Variants in DLGAP2 observed in about 807,000 individuals in gnomAD.
The protein encoded by DLGAP2 is disks large-associated protein 2.
Under a neutral mutation model 100.3 loss-of-function variants are expected in DLGAP2, and 26 were observed. That is an observed-to-expected ratio of 0.26 (90% CI 0.19 to 0.36). The LOEUF is 0.36. DLGAP2 is among the 10% of genes least tolerant of loss of function. DLGAP2 has a pLI of 1.00. For missense variants in DLGAP2, 1,858 were observed against 1,453.2 expected (o/e 1.28, Z -4.53); for synonymous variants, 886 against 630.1 (o/e 1.41, Z -6.08).
intron 2 of DLGAP2, among the ~76,000 whole-genome samples, chr8:1,010,722 G>A (rs990764553): frequency 2.0e-5 from 3 of 152,220 alleles, no homozygotes; most frequent in Admixed American, 6.5e-5. Flanking sequence ...ATTTCCTGCC[G>A]TAATGCTTGA....
intron 3 of DLGAP2, among the ~76,000 whole-genome samples, chr8:1,298,702 A>C (rs1400458399): frequency 6.6e-6 from 1 of 152,230 alleles, no homozygotes; most frequent in African/African-American, 2.4e-5. Flanking sequence ...ACAAGCATGC[A>C]TGCATGCCAG....
Position 1,460,443 on chromosome 8 carries a change from A to T in DLGAP2, c.107-40923A>T, listed in dbSNP as rs370796371. On this transcript the variant is annotated intron_variant, in intron 3 of 14. Coordinates refer to ENST00000637795, the MANE Select transcript of DLGAP2 (RefSeq NM_001346810.2). ...GTGTCGTCCTCAACACAACCCCTTGAAGATTAACATGTCGCTTTACTGATG... is the reference window on the plus strand; with the variant it reads ...GTGTCGTCCTCAACACAACCCCTTGTAGATTAACATGTCGCTTTACTGATG... Among the ~76,000 whole-genome samples, 3 of 152,304 alleles carry T rather than the reference A, an allele frequency of 2.0e-5. No homozygotes were observed. In the South Asian group the frequency reaches 6.2e-4, roughly 32 times the overall value.
intron 2 of DLGAP2, among the ~76,000 whole-genome samples, chr8:1,131,751 C>T (rs1215716274): frequency 6.6e-6 from 1 of 152,050 alleles, no homozygotes; most frequent in Non-Finnish European, 1.5e-5. Context: ...GTGTTACAGA[C>T]ATTTCCTGTA....
At position 1,549,398 on chromosome 8, in the gene DLGAP2, C is replaced by T. The variant is rs763776302; in HGVS notation, c.945C>T (p.Leu315=). ...GCACCTATCGGACGCCCAGCGTGCTCAACCGGCACCACCTGGGCCCCGTGG... is the reference window on the plus strand; with the variant it reads ...GCACCTATCGGACGCCCAGCGTGCTTAACCGGCACCACCTGGGCCCCGTGG... The part of the protein sequence containing the change: ...SDSTYRTPSV[L]NRHHLGPVAH... The change falls in exon 5 of 15, where the codon CTC becomes CTT. Residue 315 remains leucine (L), a synonymous_variant. Coordinates refer to ENST00000637795, the MANE Select transcript of DLGAP2 (RefSeq NM_001346810.2). The T allele has an allele frequency of 3.7e-6, 6 of 1,613,480 alleles. No individual in the cohort carries two copies. The highest frequency in any genetic ancestry group is 4.2e-6 in the Non-Finnish European group (5 of 1,179,788).
At chr8:744,956 G>A (rs138260793) in intron 1 of DLGAP2, among the ~76,000 whole-genome samples, 3 of 152,346 alleles carry the variant, frequency 2.0e-5, no homozygotes, top group Non-Finnish European at 4.4e-5. Flanking sequence ...TGTCCTCAGT[G>A]CAGCAGAGAT....
rs549504942 is a variant in DLGAP2, at chr8:1,668,546, G to A, written c.2028G>A (p.Ala676=). ...SLDSNKAMNL[A]LETAAAQRHL... ...ACAGCAACAAGGCCATGAACCTCGC[G>A]CTGGAAACGGCCGCTGCCCAGCGCC... The change falls in exon 9 of 15, where the codon GCG becomes GCA. Residue 676 remains alanine, a synonymous_variant. Transcript: ENST00000637795. The A allele has an allele frequency of 7.7e-5, 122 of 1,590,668 alleles. No homozygotes were observed. Among genetic ancestry groups the A allele is most frequent in the Non-Finnish European group, 9.5e-5 (111 of 1,169,886 alleles).
At chr8:1,130,089 CAGACACTTCACGCGAGTTAAGGGATCG>C (rs1796256537) in intron 2 of DLGAP2, among the ~76,000 whole-genome samples, 1 of 1,888 alleles carries the variant, frequency 5.3e-4, no homozygotes, top group African/African-American at 2.8e-3. Context: ...GGGATCGTGT[CAGACACTTCACGCGAGTTAAGGGATCG>C]TGTCAGACAC....
Position 1,548,757 on chromosome 8 carries a change from G to A in DLGAP2, c.304G>A (p.Ala102Thr). The change falls in exon 5 of 15, where the codon GCG (alanine) becomes ACG (threonine). Residue 102 changes from alanine to threonine, a missense_variant. Physicochemically the swap from Ala to Thr is moderately conservative, Grantham distance 58 (BLOSUM62 0). Transcript: ENST00000637795. ...GTGTTCCGGGCACACGTGTGGTCTG[G>A]CGCCCCCGGAGGACTGCGAGCACCT... Reference protein sequence around the residue: ...PLCSGHTCGLAPPEDCEHLHH... With the variant: ...PLCSGHTCGLTPPEDCEHLHH... 1 of 1,602,412 alleles carries A rather than the reference G, an allele frequency of 6.2e-7. No homozygotes were observed. The highest frequency in any genetic ancestry group is 8.5e-7 in the Non-Finnish European group (1 of 1,176,454).
chr8:1,614,068 G>A (rs904189298), intron 6 of DLGAP2, among the ~76,000 whole-genome samples: 19 of 152,134 alleles, frequency 1.2e-4, no homozygotes, highest in African/African-American at 3.1e-4. Flanking sequence ...AGAGCCAGGT[G>A]GGGGAGGCTG....
intron 3 of DLGAP2, among the ~76,000 whole-genome samples, chr8:1,491,674 G>T (rs543123977): frequency 4.5e-4 from 68 of 152,320 alleles, no homozygotes; most frequent in African/African-American, 1.4e-3. Context: ...ATATAAGTAG[G>T]TGTCACTTTT....
At chr8:780,042 A>T (rs1464116324) in intron 1 of DLGAP2, among the ~76,000 whole-genome samples, 4 of 152,146 alleles carry the variant, frequency 2.6e-5, no homozygotes, top group African/African-American at 9.7e-5. Flanking sequence ...AGAGATTTTG[A>T]AATGTTTGAA....
intron 2 of DLGAP2, among the ~76,000 whole-genome samples, chr8:1,007,904 G>C (rs1801167629): frequency 6.6e-6 from 1 of 152,106 alleles, no homozygotes. Context: ...TCCCATAGTA[G>C]GGGAGGGAAT....
intron 10 of DLGAP2, among the ~76,000 whole-genome samples, chr8:1,675,498 A>C (rs1798791170): frequency 6.6e-6 from 1 of 152,186 alleles, no homozygotes; most frequent in African/African-American, 2.4e-5. Context: ...CTTAGCCACA[A>C]ATCTGAGCCA....
chr8:984,926 T>C (rs889548299), intron 2 of DLGAP2, among the ~76,000 whole-genome samples: 8 of 152,212 alleles, frequency 5.3e-5, no homozygotes, highest in Non-Finnish European at 1.2e-4. Flanking sequence ...ATAGCTAGGC[T>C]CCTAACCTCA....
At chr8:1,508,317 C>CCCCCCACCA (rs1432075262) in intron 4 of DLGAP2, among the ~76,000 whole-genome samples, 2 of 59,766 alleles carry the variant, frequency 3.3e-5, no homozygotes, top group South Asian at 6.0e-4. Context: ...ACGCCCACCA[C>CCCCCCACCA]CCCCCACCCC....
intron 1 of DLGAP2, among the ~76,000 whole-genome samples, chr8:860,030 A>G (rs1200872262): frequency 6.6e-6 from 1 of 152,202 alleles, no homozygotes; most frequent in Non-Finnish European, 1.5e-5. Context: ...GCTAATTAAG[A>G]TGATTTCTTT....
At chr8:1,324,294 G>A (rs903478396) in intron 3 of DLGAP2, among the ~76,000 whole-genome samples, 1 of 152,166 alleles carries the variant, frequency 6.6e-6, no homozygotes, top group African/African-American at 2.4e-5. Flanking sequence ...TGAGCTCCAG[G>A]CCATTTTGTC....
chr8:1,549,369 G>C lies in DLGAP2; in HGVS notation c.916G>C (p.Asp306His), dbSNP rs559500057. 1.2e-6 allele frequency: 2 copies of C among 1,613,444 alleles called. No homozygotes were observed. The highest frequency in any genetic ancestry group is 1.3e-5 in the African/African-American group (1 of 75,050). Reference sequence around the variant, plus strand: ...GAGCTCGGACGACAACCTGGACAGCGACAGCACCTATCGGACGCCCAGCGT... The same window carrying C: ...GAGCTCGGACGACAACCTGGACAGCCACAGCACCTATCGGACGCCCAGCGT... ...WWSSDDNLDS[D>H]STYRTPSVLN... The change falls in exon 5 of 15, where the codon GAC becomes CAC. Residue 306 changes from aspartate (D) to histidine (H), a missense_variant. Coordinates refer to ENST00000637795, the MANE Select transcript of DLGAP2 (RefSeq NM_001346810.2).
intron 2 of DLGAP2, among the ~76,000 whole-genome samples, chr8:996,142 G>C (rs917276752): frequency 2.6e-5 from 4 of 152,162 alleles, no homozygotes; most frequent in African/African-American, 9.7e-5. Context: ...ACTCCCCTCT[G>C]TTCCTCTCCA....
Sources: allele counts gnomAD v4.1 joint callset (sites outside exome capture counted in the v4.1 genomes callset), GRCh38; gene constraint gnomAD v4.1.1; transcripts MANE v1.5; gene names NCBI Gene and HGNC (gene_info 2026-07-23, HGNC 2026-07-21).